Variants in RBFOX1 observed in about 807,000 individuals in gnomAD.
RBFOX1 encodes RNA binding protein fox-1 homolog 1.
Under a neutral mutation model 57.7 loss-of-function variants are expected in RBFOX1, and 8 were observed. That is an observed-to-expected ratio of 0.14 (90% CI 0.08 to 0.25). The LOEUF is 0.25. Ranked by LOEUF, RBFOX1 falls within the 10% of genes least tolerant of loss-of-function variation. The probability of loss-of-function intolerance (pLI) is 1.00; values close to 1 mark genes in which losing one functional copy is unlikely to be tolerated. For synonymous variants in RBFOX1, 326 were observed against 222.4 expected, an observed-to-expected ratio of 1.47 and a Z score of -4.15; for missense variants, 611 against 548.5, an observed-to-expected ratio of 1.11 and a Z score of -1.14.
intron 4 of RBFOX1, among the ~76,000 whole-genome samples, chr16:7,233,297 T>C (rs914387923): frequency 6.6e-6 from 1 of 152,126 alleles, no homozygotes; most frequent in Non-Finnish European, 1.5e-5. Flanking sequence ...AAGTCACCTC[T>C]TCAAAGACCT....
At chr16:6,371,445 G>C (rs937522436) in intron 2 of RBFOX1, among the ~76,000 whole-genome samples, 1 of 152,030 alleles carries the variant, frequency 6.6e-6, no homozygotes, top group Non-Finnish European at 1.5e-5. Flanking sequence ...GGTTACTTTC[G>C]TTATTTGTTT....
intron 3 of RBFOX1, among the ~76,000 whole-genome samples, chr16:6,711,621 C>G (rs1363125732): frequency 1.3e-5 from 2 of 152,160 alleles, no homozygotes; most frequent in Non-Finnish European, 2.9e-5. Flanking sequence ...CGCCTTCCAC[C>G]ATGATTGTAA....
At chr16:7,354,770 C>T (rs1301600462) in intron 4 of RBFOX1, among the ~76,000 whole-genome samples, 1 of 152,156 alleles carries the variant, frequency 6.6e-6, no homozygotes, top group Admixed American at 6.5e-5. Flanking sequence ...GCCCTCAAAA[C>T]TGTGCCATTG....
intron 1 of RBFOX1, among the ~76,000 whole-genome samples, chr16:6,150,055 A>T (rs1399642767): frequency 2.0e-5 from 3 of 152,174 alleles, no homozygotes; most frequent in African/African-American, 4.8e-5. Flanking sequence ...GCGCGATTCT[A>T]TGCACTGTGG....
chr16:6,904,428 T>C (rs72770666), intron 3 of RBFOX1, among the ~76,000 whole-genome samples: 31 of 151,548 alleles, frequency 2.0e-4, no homozygotes, highest in Non-Finnish European at 3.4e-4. Context: ...TGGTGAATCC[T>C]CCTGTCCACT....
In RBFOX1 at chr16:5,692,895, G is replaced by C. The variant is rs1238599965; in HGVS notation, c.318+93934G>C. Among the ~76,000 whole-genome samples, 6 of 152,198 alleles carry C rather than the reference G, an allele frequency of 3.9e-5. No individual in the cohort carries two copies. The East Asian group carries it at 1.2e-3, about 29-fold the overall frequency. ...AAAGAGGTATCAAAGGTGAAGACAT[G>C]GCACATGCAGCTTAGCTGGGAGGAC... On this transcript the variant is annotated intron_variant, in intron 3 of 19. Transcript: ENST00000641259.
chr16:6,058,081 G>A (rs914989945), intron 1 of RBFOX1, among the ~76,000 whole-genome samples: 11 of 152,082 alleles, frequency 7.2e-5, no homozygotes, highest in Non-Finnish European at 1.3e-4. Flanking sequence ...GCAGACACAC[G>A]GGAAGGCTTG....
chr16:7,043,805 C>G (rs763618991), intron 3 of RBFOX1, among the ~76,000 whole-genome samples: 1 of 152,188 alleles, frequency 6.6e-6, no homozygotes, highest in Non-Finnish European at 1.5e-5. Context: ...TTGCACTTGA[C>G]TCTTGTGTCA....
chr16:6,940,020 G>C (rs1308694148), intron 3 of RBFOX1, among the ~76,000 whole-genome samples: 1 of 152,138 alleles, frequency 6.6e-6, no homozygotes, highest in African/African-American at 2.4e-5. Flanking sequence ...GCACAGGTCA[G>C]CCTGGCCTAC....
At chr16:6,759,370 T>G (rs1296364284) in intron 3 of RBFOX1, among the ~76,000 whole-genome samples, 1 of 152,016 alleles carries the variant, frequency 6.6e-6, no homozygotes, top group Non-Finnish European at 1.5e-5. Context: ...AGGCTGGTCT[T>G]GAACTCCTGA....
intron 1 of RBFOX1, among the ~76,000 whole-genome samples, chr16:6,068,734 T>C (rs1473919192): frequency 6.6e-6 from 1 of 152,172 alleles, no homozygotes; most frequent in Non-Finnish European, 1.5e-5. Flanking sequence ...TTTAGAGGAA[T>C]GCACACTTAC....
chr16:6,903,818 T>A (rs1267986492), intron 3 of RBFOX1, among the ~76,000 whole-genome samples: 1 of 151,928 alleles, frequency 6.6e-6, no homozygotes, highest in Non-Finnish European at 1.5e-5. Flanking sequence ...AGCAATTGCA[T>A]CCCCAACAGG....
chr16:7,576,714 A>G (rs934798567), intron 5 of RBFOX1, among the ~76,000 whole-genome samples: 1 of 152,230 alleles, frequency 6.6e-6, no homozygotes, highest in Non-Finnish European at 1.5e-5. Context: ...ATCATTTAAT[A>G]TGTTTAATCA....
intron 3 of RBFOX1, among the ~76,000 whole-genome samples, chr16:5,770,741 C>G (rs2053950527): frequency 6.6e-6 from 1 of 152,330 alleles, no homozygotes; most frequent in South Asian, 2.1e-4. Context: ...ATTTATTCCA[C>G]TGTTTAAACA....
At chr16:7,668,287 T>G (rs1306357121) in intron 13 of RBFOX1, among the ~76,000 whole-genome samples, 1 of 152,160 alleles carries the variant, frequency 6.6e-6, no homozygotes, top group Non-Finnish European at 1.5e-5. Context: ...GTGATCCCTG[T>G]AACTGGCAAG....
At chr16:6,459,894 G>A (rs1404422322) in intron 2 of RBFOX1, among the ~76,000 whole-genome samples, 1 of 147,544 alleles carries the variant, frequency 6.8e-6, no homozygotes, top group East Asian at 2.0e-4. Context: ...TGAGGCAGGA[G>A]AATAGCTTGA....
intron 12 of RBFOX1, among the ~76,000 whole-genome samples, chr16:7,664,111 T>C (rs1476379927): frequency 6.6e-6 from 1 of 152,252 alleles, no homozygotes; most frequent in Non-Finnish European, 1.5e-5. Context: ...GATATTCACA[T>C]GTATACACCC....
intron 2 of RBFOX1, among the ~76,000 whole-genome samples, chr16:6,466,708 C>T (rs756514370): frequency 6.6e-6 from 1 of 152,096 alleles, no homozygotes; most frequent in African/African-American, 2.4e-5. Context: ...AATCATGTTT[C>T]TAAGGTATTT....
chr16:7,452,234 G>T (rs145407961), intron 4 of RBFOX1, among the ~76,000 whole-genome samples: 1 of 152,292 alleles, frequency 6.6e-6, no homozygotes, highest in African/African-American at 2.4e-5. Context: ...CAGCTGGCTT[G>T]GTTAAAGCAC....
Sources: gnomAD v4.1 joint callset for allele counts (sites outside exome capture counted in the v4.1 genomes callset) on GRCh38, gnomAD v4.1.1 for gene constraint, MANE v1.5 for transcripts, NCBI Gene and HGNC (gene_info 2026-07-23, HGNC 2026-07-21) for gene names.